The following CNTNAP5 variants were observed in gnomAD, a reference collection of about 807,000 sequenced individuals.
CNTNAP5 encodes the protein contactin associated protein family member 5, also known as contactin-associated protein-like 5.
CNTNAP5 carries 72 observed loss-of-function variants against 150.2 expected under a neutral mutation model. That is an observed-to-expected ratio of 0.48 (90% CI 0.40 to 0.58). CNTNAP5 has a LOEUF of 0.58. Among genes scored for constraint, CNTNAP5 ranks in the 20% least tolerant of loss-of-function variants. CNTNAP5 has a pLI of 0.00. For missense variants in CNTNAP5, 1,636 were observed against 1,626.2 expected (o/e 1.01, Z -0.10); for synonymous variants, 672 against 619.8 (o/e 1.08, Z -1.25).
At chr2:124,475,780 T>C (rs72966687) in intron 7 of CNTNAP5, among the ~76,000 whole-genome samples, 3,136 of 152,254 alleles carry the variant, frequency 0.021, 109 homozygotes, top group African/African-American at 0.07. Flanking sequence ...TATGTAATCA[T>C]TTTTGAAGTA....
chr2:124,050,774 T>C (rs965193615), intron 1 of CNTNAP5, among the ~76,000 whole-genome samples: 1 of 152,194 alleles, frequency 6.6e-6, no homozygotes, highest in Non-Finnish European at 1.5e-5. Flanking sequence ...TGTATTTCAA[T>C]TGATCTGAAA....
At chr2:124,828,735 CAAAAAAAAAAAAAAAAAAAAAAA>C (rs60339676) in intron 19 of CNTNAP5, among the ~76,000 whole-genome samples, 14 of 23,082 alleles carry the variant, frequency 6.1e-4, no homozygotes, top group African/African-American at 1.6e-3. Flanking sequence ...CAAGTGTTGG[CAAAAAAAAAAAAAAAAAAAAAAA>C]AAAAAAAAAA....
intron 3 of CNTNAP5, among the ~76,000 whole-genome samples, chr2:124,346,792 C>T (rs779370906): frequency 2.6e-5 from 4 of 151,880 alleles, no homozygotes; most frequent in Admixed American, 6.6e-5. Flanking sequence ...CAGTACTGAC[C>T]AGGCATGGTG....
intron 7 of CNTNAP5, among the ~76,000 whole-genome samples, chr2:124,495,860 C>T (rs1694130394): frequency 6.6e-6 from 1 of 152,194 alleles, no homozygotes; most frequent in Non-Finnish European, 1.5e-5. Flanking sequence ...AAGTCCTATT[C>T]CCAGCTTCAC....
At chr2:124,502,059 A>G (rs1467118660) in intron 7 of CNTNAP5, among the ~76,000 whole-genome samples, 2 of 152,174 alleles carry the variant, frequency 1.3e-5, no homozygotes, top group Non-Finnish European at 2.9e-5. Flanking sequence ...AAGGACCGAA[A>G]GCATATCCCA....
Position 124,907,294 on chromosome 2 carries a change from C to G in CNTNAP5, c.3656-4173C>G, listed in dbSNP as rs1441362799. On this transcript the variant is annotated intron_variant, in intron 22 of 23. Transcript: ENST00000682447. Reference sequence around the variant, plus strand: ...TAGCATATTTAGTAATCAGTGAAAACCCCTCACAGGTAAATCATTAGGTGC... The same window carrying G: ...TAGCATATTTAGTAATCAGTGAAAAGCCCTCACAGGTAAATCATTAGGTGC... 3.3e-5 allele frequency among the ~76,000 whole-genome samples: 5 copies of G among 152,026 alleles called. No individual in the cohort carries two copies. The East Asian group carries it at 9.7e-4, about 29-fold the overall frequency.
chr2:124,688,661 G>T (rs1224580106), intron 13 of CNTNAP5, among the ~76,000 whole-genome samples: 1 of 152,082 alleles, frequency 6.6e-6, no homozygotes, highest in African/African-American at 2.4e-5. Flanking sequence ...CAGTTAGCTA[G>T]CAAGTGTCTG....
At chr2:124,627,196 T>C (rs879850817) in intron 12 of CNTNAP5, among the ~76,000 whole-genome samples, 15 of 151,926 alleles carry the variant, frequency 9.9e-5, no homozygotes, top group Non-Finnish European at 1.9e-4. Context: ...ATGAGGAGGA[T>C]TCCCCCCAGC....
At position 124,870,723 on chromosome 2, in the gene CNTNAP5, ACTTACAGT is replaced by A. The variant is rs1203144048; in HGVS notation, c.3436+962_3436+969del. Among the ~76,000 whole-genome samples, 5 of 152,304 alleles carry A rather than the reference ACTTACAGT, an allele frequency of 3.3e-5. No homozygotes were observed. In the East Asian group the frequency reaches 9.7e-4, roughly 29 times the overall value. On this transcript the variant is annotated intron_variant, in intron 21 of 23. Transcript: ENST00000682447. Reference sequence around the variant, plus strand: ...TAGTTGCTTACAAGATTGTTGTAGTACTTACAGTGTGGGTTCTTTTTGGGGTCTTTTGG... The same window carrying A: ...TAGTTGCTTACAAGATTGTTGTAGTAGTGGGTTCTTTTTGGGGTCTTTTGG...
chr2:124,113,222 C>G (rs1180723082), intron 1 of CNTNAP5, among the ~76,000 whole-genome samples: 1 of 152,086 alleles, frequency 6.6e-6, no homozygotes, highest in African/African-American at 2.4e-5. Flanking sequence ...TGGAAACACT[C>G]CAAATGAATG....
chr2:124,590,995 C>CA (rs1023698012), intron 11 of CNTNAP5, among the ~76,000 whole-genome samples: 4 of 152,098 alleles, frequency 2.6e-5, no homozygotes, highest in African/African-American at 9.7e-5. Context: ...CTATTTTCCT[C>CA]AAAAATGAAA....
At position 124,054,401 on chromosome 2, in the gene CNTNAP5, C is replaced by T. The variant is rs535216078; in HGVS notation, c.82+28669C>T. On this transcript the variant is annotated intron_variant, in intron 1 of 23. Coordinates refer to ENST00000682447, the MANE Select transcript of CNTNAP5 (RefSeq NM_001367498.1). ...GCTGATGCACTCGGATCCCTAGGCT[C>T]CTAGGGTCCTATACCCTCACTCTCG... 7.9e-5 allele frequency among the ~76,000 whole-genome samples: 12 copies of T among 152,214 alleles called. No individual in the cohort carries two copies. The South Asian group carries it at 2.1e-3, about 26-fold the overall frequency.
chr2:124,730,758 C>G (rs1448845814), intron 13 of CNTNAP5, among the ~76,000 whole-genome samples: 1 of 151,846 alleles, frequency 6.6e-6, no homozygotes, highest in Non-Finnish European at 1.5e-5. Context: ...ATTAAATGAC[C>G]TTTGTGGGGT....
chr2:124,902,800 GA>G, intron 21 of CNTNAP5, 81 bp from the exon 22 acceptor site: 1 of 879,642 alleles, frequency 1.1e-6, no homozygotes, highest in Non-Finnish European at 1.7e-6. Context: ...TGTAATTTTA[GA>G]TACTACTCAA....
chr2:124,178,673 A>T (rs1685127041), intron 1 of CNTNAP5, among the ~76,000 whole-genome samples: 1 of 152,092 alleles, frequency 6.6e-6, no homozygotes, highest in South Asian at 2.1e-4. Context: ...CTCATTCTCC[A>T]CCTTGGAACT....
At chr2:124,597,762 G>C (rs952621839) in intron 11 of CNTNAP5, among the ~76,000 whole-genome samples, 24 of 151,952 alleles carry the variant, frequency 1.6e-4, no homozygotes, top group Middle Eastern at 3.4e-3. Context: ...TCCATTCTCC[G>C]CATCACTTTC....
chr2:124,653,450 A>G (rs952372066), intron 13 of CNTNAP5, among the ~76,000 whole-genome samples: 4 of 151,490 alleles, frequency 2.6e-5, no homozygotes, highest in Non-Finnish European at 5.9e-5. Context: ...CATATATACA[A>G]TATATGATGT....
At chr2:124,125,504 C>T (rs567959036) in intron 1 of CNTNAP5, among the ~76,000 whole-genome samples, 3 of 152,198 alleles carry the variant, frequency 2.0e-5, no homozygotes, top group Non-Finnish European at 2.9e-5. Flanking sequence ...GACAGATCAA[C>T]GAGACAGAAA....
At chr2:124,674,554 C>CTTTCTTT (rs1573539643) in intron 13 of CNTNAP5, among the ~76,000 whole-genome samples, 1 of 61,472 alleles carries the variant, frequency 1.6e-5, no homozygotes, top group South Asian at 5.8e-4. Flanking sequence ...TTTCTTTCTT[C>CTTTCTTT]CTTTCTTCCT....
Sources: gnomAD v4.1 joint callset for allele counts (sites outside exome capture counted in the v4.1 genomes callset) on GRCh38, gnomAD v4.1.1 for gene constraint, MANE v1.5 for transcripts, NCBI Gene and HGNC (gene_info 2026-07-23, HGNC 2026-07-21) for gene names.